Variants in RNF180 observed in about 807,000 individuals in gnomAD.
RNF180 encodes ring finger protein 180.
Under a neutral mutation model 59.2 loss-of-function variants are expected in RNF180, and 38 were observed. That is an observed-to-expected ratio of 0.64 (90% CI 0.50 to 0.84). The LOEUF (loss-of-function observed/expected upper bound fraction) is 0.84. RNF180 is among the 40% of genes least tolerant of loss of function. RNF180 has a pLI of 0.00. For synonymous variants in RNF180, 262 were observed against 240.3 expected (o/e 1.09, Z -0.84); for missense variants, 705 against 700.9 (o/e 1.01, Z -0.07).
At chr5:64,293,430 C>G (rs1742715915) in intron 5 of RNF180, among the ~76,000 whole-genome samples, 1 of 152,098 alleles carries the variant, frequency 6.6e-6, no homozygotes. Flanking sequence ...CTTGTCCCCT[C>G]CTATGATTGA....
Position 64,344,444 on chromosome 5 carries a change from G to A in RNF180, c.1579+14038G>A, listed in dbSNP as rs79478648. ...AAGTTTCAAAATATATGAAACAAAG[G>A]TTGATAGAATTAAAACAAGAAATAG... is the stretch of plus-strand genomic sequence containing the variant. On this transcript the variant is annotated intron_variant, in intron 7 of 7. Transcript: ENST00000389100. Among the ~76,000 whole-genome samples the A allele has an allele frequency of 4.9e-3, 743 of 152,108 alleles. 10 individuals carry two copies. Among genetic ancestry groups the A allele is most frequent in the African/African-American group, 0.017 (697 of 41,512 alleles).
chr5:64,275,383 T>G (rs1015157600), intron 5 of RNF180, among the ~76,000 whole-genome samples: 1 of 148,292 alleles, frequency 6.7e-6, no homozygotes. Context: ...TCCACATTAG[T>G]CCATAGTAGA....
intron 2 of RNF180, among the ~76,000 whole-genome samples, chr5:64,204,128 A>G (rs953666997): frequency 2.6e-5 from 4 of 152,090 alleles, no homozygotes; most frequent in Non-Finnish European, 5.9e-5. Context: ...TCGAGTGTAG[A>G]TTTAGTTCAT....
At chr5:64,192,757 A>G (rs1347868369) in intron 1 of RNF180, among the ~76,000 whole-genome samples, 1 of 151,774 alleles carries the variant, frequency 6.6e-6, no homozygotes, top group Non-Finnish European at 1.5e-5. Flanking sequence ...CCTATGTCTG[A>G]TGTATATACA....
chr5:64,348,960 C>T (rs777162641), intron 7 of RNF180, among the ~76,000 whole-genome samples: 5 of 151,998 alleles, frequency 3.3e-5, no homozygotes, highest in Non-Finnish European at 5.9e-5. Context: ...GAGGTTCATC[C>T]AATAAGCTTA....
intron 1 of RNF180, among the ~76,000 whole-genome samples, chr5:64,174,777 C>T (rs1025538541): frequency 2.6e-5 from 4 of 151,968 alleles, no homozygotes; most frequent in Admixed American, 6.6e-5. Context: ...CTTTGGTGTG[C>T]AGAAACTTTT....
intron 2 of RNF180, among the ~76,000 whole-genome samples, chr5:64,205,921 AG>A (rs1253264073): frequency 6.6e-6 from 1 of 152,216 alleles, no homozygotes; most frequent in African/African-American, 2.4e-5. Flanking sequence ...GTGAAAAAAT[AG>A]AACCGAAAAT....
chr5:64,217,428 T>C, intron 5 of RNF180, 32 bp downstream of exon 5: 1 of 1,381,510 alleles, frequency 7.2e-7, no homozygotes, highest in Non-Finnish European at 9.4e-7. Context: ...TGAGAAATTG[T>C]CAAATTGTTT....
rs76117470 is a variant in RNF180, at chr5:64,322,602, CGTGTGTGTGT to C, written c.1228-2557_1228-2548del. On this transcript the variant is annotated intron_variant, in intron 5 of 7. Coordinates refer to ENST00000389100, the MANE Select transcript of RNF180 (RefSeq NM_001113561.2). ...ATATATATAACGGAATATATATATA[CGTGTGTGTGT>C]GTGTGTGTGTGTGTGTGTGTGTGTG... Among the ~76,000 whole-genome samples the C allele has an allele frequency of 7.1e-3, 1,023 of 143,448 alleles. 14 individuals are homozygous for C. The highest frequency in any genetic ancestry group is 0.024 in the African/African-American group (932 of 39,128). 94.1% of individuals were successfully genotyped at this position (143,448 alleles called of 152,430 possible).
intron 5 of RNF180, 121 bp from the exon 6 acceptor site, chr5:64,325,065 G>A (rs993961904): frequency 2.2e-5 from 14 of 626,508 alleles, no homozygotes; most frequent in Non-Finnish European, 3.9e-5. Flanking sequence ...CTGGCACTTT[G>A]AATATGCCAC....
At chr5:64,325,724 A>G in intron 6 of RNF180, among the ~76,000 whole-genome samples, 1 of 152,148 alleles carries the variant, frequency 6.6e-6, no homozygotes, top group East Asian at 1.9e-4. Context: ...TATTCCTCAT[A>G]TCTGCCTTCC....
At chr5:64,329,475 C>A (rs62369369) in intron 6 of RNF180, among the ~76,000 whole-genome samples, 1 of 145,948 alleles carries the variant, frequency 6.9e-6, no homozygotes, top group African/African-American at 2.5e-5. Context: ...TTTTTTTTCC[C>A]AAGATGGAGT....
intron 1 of RNF180, among the ~76,000 whole-genome samples, chr5:64,169,196 C>T (rs1749809013): frequency 6.6e-6 from 1 of 152,176 alleles, no homozygotes. Context: ...GGTTTGATCT[C>T]TTCGGGCCTA....
chr5:64,228,587 TATTA>T (rs763441823), intron 5 of RNF180, among the ~76,000 whole-genome samples: 12 of 152,324 alleles, frequency 7.9e-5, no homozygotes, highest in African/African-American at 2.2e-4. Flanking sequence ...TCTGGAATGC[TATTA>T]ATTATGTTTT....
chr5:64,281,485 A>G (rs1482769334), intron 5 of RNF180, among the ~76,000 whole-genome samples: 1 of 151,500 alleles, frequency 6.6e-6, no homozygotes, highest in Non-Finnish European at 1.5e-5. Flanking sequence ...TTCAGTGCCT[A>G]GTTGCCTAGT....
chr5:64,342,219 T>TACAA (rs1745380961), intron 7 of RNF180, among the ~76,000 whole-genome samples: 1 of 152,142 alleles, frequency 6.6e-6, no homozygotes, highest in Admixed American at 6.6e-5. Context: ...AAATCACATT[T>TACAA]ACAAACAAAT....
chr5:64,228,283 G>T (rs111662194), intron 5 of RNF180, among the ~76,000 whole-genome samples: 1 of 152,132 alleles, frequency 6.6e-6, no homozygotes, highest in Non-Finnish European at 1.5e-5. Flanking sequence ...GGAGGCTGAC[G>T]CAAGAGGACT....
At chr5:64,366,334 G>A (rs1580318934) in intron 7 of RNF180, among the ~76,000 whole-genome samples, 1 of 151,644 alleles carries the variant, frequency 6.6e-6, no homozygotes, top group Admixed American at 6.6e-5. Context: ...GAGGTCCACT[G>A]TTAGTCTGAT....
At chr5:64,180,712 T>A (rs998007387) in intron 1 of RNF180, among the ~76,000 whole-genome samples, 5 of 152,186 alleles carry the variant, frequency 3.3e-5, no homozygotes, top group Admixed American at 2.6e-4. Context: ...GGCATTATTC[T>A]TCCCCTGTAG....
Sources: gnomAD v4.1 joint callset for allele counts (sites outside exome capture counted in the v4.1 genomes callset) on GRCh38, gnomAD v4.1.1 for gene constraint, MANE v1.5 for transcripts, NCBI Gene and HGNC (gene_info 2026-07-23, HGNC 2026-07-21) for gene names.